RIMBP2: variants seen among roughly 807,000 people sequenced by gnomAD.
RIMBP2 encodes RIMS-binding protein 2.
In RIMBP2, 48 loss-of-function variants were observed where a neutral mutation model predicts 118.6. The observed-to-expected ratio is 0.40, with a 90% CI of 0.32 to 0.51. The LOEUF (loss-of-function observed/expected upper bound fraction) is 0.51. RIMBP2 is among the 20% of genes least tolerant of loss of function. The pLI, the probability that RIMBP2 is intolerant of heterozygous loss-of-function variation, is 0.41. For synonymous variants in RIMBP2, 762 were observed against 742.9 expected, an observed-to-expected ratio of 1.03 and a Z score of -0.42; for missense variants, 1,551 against 1,768.3, an observed-to-expected ratio of 0.88 and a Z score of 2.20.
At chr12:130,476,058 T>A (rs1455384309) in intron 5 of RIMBP2, among the ~76,000 whole-genome samples, 2 of 152,104 alleles carry the variant, frequency 1.3e-5, no homozygotes, top group Non-Finnish European at 2.9e-5. Context: ...TGAGAAGGGA[T>A]GTGACTTCAG....
At chr12:130,610,101 A>C (rs967036352) in intron 2 of RIMBP2, among the ~76,000 whole-genome samples, 2 of 150,768 alleles carry the variant, frequency 1.3e-5, no homozygotes, top group African/African-American at 4.8e-5. Flanking sequence ...CACGGGGGGA[A>C]AATGGGAAGC....
chr12:130,642,216 A>G (rs2062654729), intron 1 of RIMBP2, among the ~76,000 whole-genome samples: 1 of 152,100 alleles, frequency 6.6e-6, no homozygotes, highest in African/African-American at 2.4e-5. Flanking sequence ...GGACACCCCA[A>G]ATGATGCCCC....
chr12:130,448,165 T>C (rs2078695748), intron 9 of RIMBP2, among the ~76,000 whole-genome samples: 1 of 150,318 alleles, frequency 6.7e-6, no homozygotes, highest in African/African-American at 2.5e-5. Flanking sequence ...AAAATAGGAA[T>C]ACCACTGAAA....
intron 2 of RIMBP2, among the ~76,000 whole-genome samples, chr12:130,625,242 G>T (rs1306264462): frequency 1.3e-5 from 2 of 152,178 alleles, no homozygotes; most frequent in Non-Finnish European, 2.9e-5. Context: ...CACAACCCCT[G>T]TGAAAGTTGT....
chr12:130,612,453 A>C (rs1003154325), intron 2 of RIMBP2, among the ~76,000 whole-genome samples: 13 of 152,270 alleles, frequency 8.5e-5, no homozygotes, highest in African/African-American at 2.9e-4. Flanking sequence ...CAATCCAGAC[A>C]AAGTTTGGCC....
At chr12:130,435,973 G>T (rs2077482353) in intron 13 of RIMBP2, among the ~76,000 whole-genome samples, 1 of 152,200 alleles carries the variant, frequency 6.6e-6, no homozygotes, top group Admixed American at 6.5e-5. Context: ...ACTCACAGGA[G>T]GACAGTGTAG....
intron 4 of RIMBP2, among the ~76,000 whole-genome samples, chr12:130,489,204 C>T (rs549104574): frequency 7.9e-5 from 12 of 152,308 alleles, no homozygotes; most frequent in South Asian, 4.1e-4. Context: ...AACTGGTAGA[C>T]GGTGGCTTGT....
At chr12:130,451,776 T>C (rs1006826744) in intron 7 of RIMBP2, among the ~76,000 whole-genome samples, 47 of 152,014 alleles carry the variant, frequency 3.1e-4, no homozygotes, top group African/African-American at 1.1e-3. Flanking sequence ...GGCGATGGGC[T>C]TGGAGCCCCT....
chr12:130,702,971 C>T (rs561725255), intron 1 of RIMBP2, among the ~76,000 whole-genome samples: 20 of 152,162 alleles, frequency 1.3e-4, no homozygotes, highest in Non-Finnish European at 2.2e-4. Context: ...TACTTCTTTC[C>T]TCCTGGGCTG....
intron 3 of RIMBP2, among the ~76,000 whole-genome samples, chr12:130,509,508 T>C (rs2050690263): frequency 1.3e-5 from 2 of 152,258 alleles, no homozygotes; most frequent in Non-Finnish European, 1.5e-5. Flanking sequence ...TGTGTCCTTT[T>C]GCTGTAATAA....
At chr12:130,565,079 C>T (rs1458798273) in intron 2 of RIMBP2, among the ~76,000 whole-genome samples, 1 of 152,130 alleles carries the variant, frequency 6.6e-6, no homozygotes, top group South Asian at 2.1e-4. Context: ...TAAGTCAAAA[C>T]CACAATGAAA....
intron 7 of RIMBP2, among the ~76,000 whole-genome samples, chr12:130,454,491 G>GAGGGGAGTGCCAGGGCAATGCC (rs1318199191): frequency 1.6e-4 from 24 of 151,948 alleles, no homozygotes; most frequent in African/African-American, 5.8e-4. Context: ...CATGCACTGT[G>GAGGGGAGTGCCAGGGCAATGCC]AGGGGAGTGC....
At chr12:130,542,604 C>T (rs138207613) in intron 2 of RIMBP2, among the ~76,000 whole-genome samples, 4 of 152,268 alleles carry the variant, frequency 2.6e-5, no homozygotes, top group African/African-American at 7.2e-5. Context: ...TTGTACTTAT[C>T]GAAAATGATT....
rs1261960691 is a variant in RIMBP2, at chr12:130,576,991, G to A, written c.-217+51331C>T. ...CTTCACAGAGGAGACAAAATGTCCC[G>A]GCTGCAGCCTGAGGTTTGCAAGGTC... On this transcript the variant is annotated intron_variant, in intron 2 of 22. Coordinates refer to ENST00000690449, the MANE Select transcript of RIMBP2 (RefSeq NM_001393629.1). The surrounding 1 kb of genome is among the most constrained non-coding windows in gnomAD (Gnocchi z 4.2). Among the ~76,000 whole-genome samples the A allele has an allele frequency of 2.6e-5, 4 of 152,188 alleles. No individual in the cohort carries two copies. The highest frequency in any genetic ancestry group is 7.2e-5 in the African/African-American group (3 of 41,454).
chr12:130,421,724 T>TGTGTGTGTGTGTGTGTGTGTGTGTGTG (rs1566004674), intron 17 of RIMBP2, among the ~76,000 whole-genome samples: 1 of 151,366 alleles, frequency 6.6e-6, no homozygotes, highest in African/African-American at 2.4e-5. Flanking sequence ...TGTGTGTGTG[T>TGTGTGTGTGTGTGTGTGTGTGTGTGTG]TTTCATAGAA....
intron 1 of RIMBP2, among the ~76,000 whole-genome samples, chr12:130,694,605 C>T (rs548835731): frequency 2.0e-5 from 3 of 152,326 alleles, no homozygotes; most frequent in East Asian, 1.9e-4. Context: ...CTCCTTTCCA[C>T]GGCCCTCCCG....
chr12:130,530,283 A>C (rs1304913858), intron 2 of RIMBP2, among the ~76,000 whole-genome samples: 1 of 152,132 alleles, frequency 6.6e-6, no homozygotes, highest in Non-Finnish European at 1.5e-5. Context: ...TTGCAAGGGT[A>C]ATTTTTTTCT....
At chr12:130,642,837 ATCTGAACCAGGCTGGC>A (rs1218768083) in intron 1 of RIMBP2, among the ~76,000 whole-genome samples, 1 of 152,174 alleles carries the variant, frequency 6.6e-6, no homozygotes, top group Non-Finnish European at 1.5e-5. Context: ...AGGCACCTTG[ATCTGAACCAGGCTGGC>A]TCTGAACGGG....
At chr12:130,492,494 T>A (rs1385034471) in intron 4 of RIMBP2, among the ~76,000 whole-genome samples, 1 of 152,196 alleles carries the variant, frequency 6.6e-6, no homozygotes, top group Non-Finnish European at 1.5e-5. Context: ...TGGTCTTTGA[T>A]CCTAAAGCCT....
Sources: gnomAD v4.1 joint callset for allele counts (sites outside exome capture counted in the v4.1 genomes callset) on GRCh38, gnomAD v4.1.1 for gene constraint, Gnocchi (gnomAD v3.1) non-coding constraint, MANE v1.5 for transcripts, NCBI Gene and HGNC (gene_info 2026-07-23, HGNC 2026-07-21) for gene names.